Variants in TBX3 observed in about 807,000 individuals in gnomAD.
TBX3 encodes T-box transcription factor TBX3.
A neutral mutation model predicts 47.8 loss-of-function variants in TBX3; 11 were observed. That is an observed-to-expected ratio of 0.23 (90% CI 0.14 to 0.38). The LOEUF (loss-of-function observed/expected upper bound fraction) is 0.38, where lower values mean the gene tolerates loss of function less well. Ranked by LOEUF, TBX3 falls within the 10% of genes least tolerant of loss-of-function variation. The probability of loss-of-function intolerance (pLI) is 1.00; values close to 1 mark genes in which losing one functional copy is unlikely to be tolerated. For missense variants in TBX3, 927 were observed against 1,022.8 expected (o/e 0.91, Z 1.28); for synonymous variants, 500 against 449.3 (o/e 1.11, Z -1.43).
In TBX3 at chr12:114,679,747, G is replaced by A. The variant is rs935929041; in HGVS notation, c.658-96C>T. On this transcript the variant is annotated intron_variant, in intron 2 of 6. Transcript: ENST00000349155. ...CTGCCAGGCTGAAATCTTCCCCACC[G>A]CAGGGTACCACGCTTGTACCGAGCC... is the stretch of plus-strand genomic sequence containing the variant. 3.0e-5 allele frequency: 47 copies of A among 1,580,162 alleles called. No individual in the cohort carries two copies. In the Admixed American group the frequency reaches 3.7e-4, roughly 12 times the overall value.
Position 114,682,977 on chromosome 12 carries a change from C to T in TBX3, c.224G>A (p.Gly75Asp), listed in dbSNP as rs866573295. The T allele has an allele frequency of 6.2e-7, 1 of 1,614,078 alleles. No individual in the cohort carries two copies. The highest frequency in any genetic ancestry group is 1.3e-5 in the African/African-American group (1 of 75,050). ...MDQLVGAAET[G>D]IPFSSLGPQA... ...GGGCCCCAGGGAGGAGAACGGGATG[C>T]CGGTCTCGGCCGCCCCCACCAATTG... The change falls in exon 1 of 7, where the codon GGC becomes GAC. Residue 75 changes from glycine (G) to aspartate (D), a missense_variant. By Grantham distance (94) the Gly-to-Asp change is moderately conservative (BLOSUM62 -1). Coordinates refer to ENST00000349155, the MANE Select transcript of TBX3 (RefSeq NM_005996.4).
rs1868368067 is a variant in TBX3, at chr12:114,670,467, AAT to A, written c.*1372_*1373del. 12 of 219,148 alleles carry A rather than the reference AAT, an allele frequency of 5.5e-5. No homozygotes were observed. The South Asian group carries it at 2.2e-3, about 40-fold the overall frequency. 13.6% of individuals were successfully genotyped at this position (219,148 alleles called of 1,614,324 possible). ...AACACCGATACTGACAACAGTAGTA[AAT>A]TCCACTTCGTTTTGAGGAAATCAGA... On this transcript the variant is annotated 3_prime_UTR_variant, in exon 7 of 7. Coordinates refer to ENST00000349155, the MANE Select transcript of TBX3 (RefSeq NM_005996.4).
intron 1 of TBX3, among the ~76,000 whole-genome samples, chr12:114,681,359 G>A (rs777112374): frequency 4.6e-5 from 7 of 152,130 alleles, no homozygotes; most frequent in Admixed American, 2.0e-4. Context: ...ATATTTAGAC[G>A]TCCCAAGGTT....
chr12:114,673,351 T>C (rs1868533401), intron 6 of TBX3, among the ~76,000 whole-genome samples: 1 of 152,176 alleles, frequency 6.6e-6, no homozygotes, highest in South Asian at 2.1e-4. Context: ...AACCTTTTCA[T>C]CGAGTTCAGG....
Position 114,674,444 on chromosome 12 carries a change from G to A in TBX3, c.1431C>T (p.Pro477=), listed in dbSNP as rs1341801337. 13 of 1,547,460 alleles carry A rather than the reference G, an allele frequency of 8.4e-6. No homozygotes were observed. The highest frequency in any genetic ancestry group is 1.1e-5 in the Non-Finnish European group (13 of 1,145,862). Residue 477 remains proline, a synonymous_variant, in exon 6 of 7, where the codon CCC becomes CCT. Transcript: ENST00000349155. The part of the protein sequence containing the change: ...DAAAAHLAQG[P]LPGLGFAPGL... ...CCGGGGCGAAGCCGAGGCCAGGCAGGGGGCCCTGGGCCAGGTGCGCGGCGG... is the reference window on the plus strand; with the variant it reads ...CCGGGGCGAAGCCGAGGCCAGGCAGAGGGCCCTGGGCCAGGTGCGCGGCGG...
chr12:114,683,473 C>T lies in TBX3; in HGVS notation c.-273G>A. The T allele has an allele frequency of 2.2e-6, 1 of 464,300 alleles. No homozygotes were observed. The highest frequency in any genetic ancestry group is 3.8e-6 in the Non-Finnish European group (1 of 264,122). The allele number at this position is 464,300 out of a possible 1,614,324, so 28.8% of individuals were successfully genotyped here. A position where few individuals can be genotyped will look rare whatever the true frequency, so the allele number is the denominator to read the frequency against. ...AGTCGCGCGGGTGACCGTCCTTGTGCCTTGCGTTTTTAAAAAGCCGCTCCT... is the reference window on the plus strand; with the variant it reads ...AGTCGCGCGGGTGACCGTCCTTGTGTCTTGCGTTTTTAAAAAGCCGCTCCT... On this transcript the variant is annotated 5_prime_UTR_variant, in exon 1 of 7. Coordinates refer to ENST00000349155, the MANE Select transcript of TBX3 (RefSeq NM_005996.4). The surrounding 1 kb of genome is among the most constrained non-coding windows in gnomAD (Gnocchi z 7.7).
Position 114,671,762 on chromosome 12 carries a change from C to A in TBX3, c.*79G>T. The A allele has an allele frequency of 6.6e-7, 1 of 1,522,294 alleles. No homozygotes were observed. The highest frequency in any genetic ancestry group is 8.9e-7 in the Non-Finnish European group (1 of 1,123,878). 94.3% of individuals were successfully genotyped at this position (1,522,294 alleles called of 1,614,324 possible). A position where few individuals can be genotyped will look rare whatever the true frequency, so the allele number is the denominator to read the frequency against. ...AAGGAAGGGCTAACGCCATGGCGGGCCCGTGGTTTATTTTATATCCGACAA... is the reference window on the plus strand; with the variant it reads ...AAGGAAGGGCTAACGCCATGGCGGGACCGTGGTTTATTTTATATCCGACAA... On this transcript the variant is annotated 3_prime_UTR_variant, in exon 7 of 7. Coordinates refer to ENST00000349155, the MANE Select transcript of TBX3 (RefSeq NM_005996.4).
In TBX3 at chr12:114,671,988, G is replaced by T; in HGVS notation, c.2025C>A (p.Arg675=). The T allele has an allele frequency of 1.2e-6, 2 of 1,601,118 alleles. No individual in the cohort carries two copies. The highest frequency in any genetic ancestry group is 1.7e-6 in the Non-Finnish European group (2 of 1,174,020). Residue 675 remains arginine, a synonymous_variant, in exon 7 of 7, where the codon CGC becomes CGA. Coordinates refer to ENST00000349155, the MANE Select transcript of TBX3 (RefSeq NM_005996.4). ...TGGAGCTGGAGGAGAGCGTGGAGGA[G>T]CGGCTGTTGAGTTCAGAGCCCGAGT... ...AVDSGSELNS[R]SSTLSSSSMS...
chr12:114,675,651 TG>T (rs1868678706), intron 5 of TBX3, among the ~76,000 whole-genome samples: 1 of 146,914 alleles, frequency 6.8e-6, no homozygotes, highest in Non-Finnish European at 1.5e-5. Flanking sequence ...TGTGTGTGTG[TG>T]TGTGTGTGTG....
In TBX3 at chr12:114,683,447, T is replaced by G; in HGVS notation, c.-247A>C. 1 of 543,036 alleles carries G rather than the reference T, an allele frequency of 1.8e-6. No individual in the cohort carries two copies. Among genetic ancestry groups the G allele is most frequent in the Non-Finnish European group, 3.2e-6 (1 of 313,256 alleles). 33.6% of individuals were successfully genotyped at this position (543,036 alleles called of 1,614,324 possible). A position where few individuals can be genotyped will look rare whatever the true frequency, so the allele number is the denominator to read the frequency against. ...GGGCAAGGCGAAAAATCAGCAAACA[T>G]AGTCGCGCGGGTGACCGTCCTTGTG... On this transcript the variant is annotated 5_prime_UTR_variant, in exon 1 of 7. It removes an upstream start codon present in the reference 5' UTR. Coordinates refer to ENST00000349155, the MANE Select transcript of TBX3 (RefSeq NM_005996.4). The surrounding 1 kb of genome is among the most constrained non-coding windows in gnomAD (Gnocchi z 7.7).
In TBX3 at chr12:114,670,823, G is replaced by C. The variant is rs1440468834; in HGVS notation, c.*1018C>G. 1.4e-5 allele frequency: 3 copies of C among 215,352 alleles called. No homozygotes were observed. In the East Asian group the frequency reaches 2.1e-4, roughly 15 times the overall value. The allele number at this position is 215,352 out of a possible 1,614,324, so 13.3% of individuals were successfully genotyped here. On this transcript the variant is annotated 3_prime_UTR_variant, in exon 7 of 7. Coordinates refer to ENST00000349155, the MANE Select transcript of TBX3 (RefSeq NM_005996.4). ...AACAAGAACACAAAACCTGACAGTTGCAATTCTATTTACACAGAGCTATGT... is the reference window on the plus strand; with the variant it reads ...AACAAGAACACAAAACCTGACAGTTCCAATTCTATTTACACAGAGCTATGT...
In TBX3 at chr12:114,671,590, C is replaced by A. The variant is rs1868423483; in HGVS notation, c.*251G>T. On this transcript the variant is annotated 3_prime_UTR_variant, in exon 7 of 7. Transcript: ENST00000349155. ...CTGGACATAAATGTTGGAACTCCTA[C>A]CCCCAGTAGCTCAATGCAACCGACG... The A allele has an allele frequency of 5.1e-6, 3 of 582,914 alleles. No homozygotes were observed. Among genetic ancestry groups the A allele is most frequent in the East Asian group, 2.9e-5 (1 of 34,528 alleles). The allele number at this position is 582,914 out of a possible 1,614,324, so 36.1% of individuals were successfully genotyped here.
At chr12:114,672,365 T>A in intron 6 of TBX3, 63 bp from the exon 7 acceptor site, 1 of 1,322,754 alleles carries the variant, frequency 7.6e-7, no homozygotes, top group Non-Finnish European at 1.0e-6. Context: ...CTCATCCCTC[T>A]CCTCTCTTCT....
At chr12:114,677,539 G>T in intron 4 of TBX3, 41 bp downstream of exon 4, 1 of 1,593,968 alleles carries the variant, frequency 6.3e-7, no homozygotes, top group Non-Finnish European at 8.6e-7. Context: ...TAAAAAAAGG[G>T]ATTTTTCTAA....
intron 3 of TBX3, 144 bp from the exon 4 acceptor site, chr12:114,677,800 G>C (rs992475782): frequency 2.6e-6 from 2 of 755,184 alleles, no homozygotes; most frequent in African/African-American, 3.5e-5. Flanking sequence ...AGATAATAAG[G>C]AAACTGTGGC....
Position 114,682,797 on chromosome 12 carries a change from G to GC in TBX3, c.389+14dup. The GC allele has an allele frequency of 5.6e-6, 9 of 1,614,040 alleles. No individual in the cohort carries two copies. Among genetic ancestry groups the GC allele is most frequent in the Non-Finnish European group, 7.6e-6 (9 of 1,180,014 alleles). On this transcript the variant is annotated intron_variant, in intron 1 of 6. Coordinates refer to ENST00000349155, the MANE Select transcript of TBX3 (RefSeq NM_005996.4). ...ACTCTCCAACAGCTTAGGGGAGGAG[G>GC]CCCCCACTGCTTACCTTCCCGACTT...
Position 114,675,649 on chromosome 12 carries a change from T to C in TBX3, c.1039+664A>G, listed in dbSNP as rs959530279. Among the ~76,000 whole-genome samples, 43 of 138,770 alleles carry C rather than the reference T, an allele frequency of 3.1e-4. No homozygotes were observed. The East Asian group carries it at 8.1e-3, about 26-fold the overall frequency. The allele number at this position is 138,770 out of a possible 152,430, so 91.0% of individuals were successfully genotyped here. A position where few individuals can be genotyped will look rare whatever the true frequency, so the allele number is the denominator to read the frequency against. On this transcript the variant is annotated intron_variant, in intron 5 of 6. Transcript: ENST00000349155. ...CCCGTTGAGAGTGTGTGTGTGTGTG[T>C]GTGTGTGTGTGTGTGTGTGTGTGTG... is the stretch of plus-strand genomic sequence containing the variant.
intron 3 of TBX3, among the ~76,000 whole-genome samples, chr12:114,679,037 C>G (rs532516626): frequency 6.6e-6 from 1 of 152,132 alleles, no homozygotes; most frequent in East Asian, 1.9e-4. Flanking sequence ...GTAATAAAAA[C>G]CAGACCAGCT....
At chr12:114,680,839 A>C in intron 2 of TBX3, 40 bp downstream of exon 2, 1 of 1,613,988 alleles carries the variant, frequency 6.2e-7, no homozygotes, top group South Asian at 1.1e-5. Context: ...GACTGAGTGA[A>C]GGAGGAGAAA....
Sources: gnomAD v4.1 joint callset for allele counts (sites outside exome capture counted in the v4.1 genomes callset) on GRCh38, gnomAD v4.1.1 for gene constraint, Gnocchi (gnomAD v3.1) non-coding constraint, MANE v1.5 for transcripts, NCBI Gene and HGNC (gene_info 2026-07-23, HGNC 2026-07-21) for gene names.